The following GSN variants were observed in gnomAD, a reference collection of about 807,000 sequenced individuals.
The protein encoded by GSN is actin-depolymerizing factor.
A neutral mutation model predicts 85.7 loss-of-function variants in GSN; 56 were observed. The observed-to-expected ratio is 0.65, with a 90% CI of 0.53 to 0.82. The LOEUF (loss-of-function observed/expected upper bound fraction) is 0.82, where lower values mean the gene tolerates loss of function less well. GSN is among the 40% of genes least tolerant of loss of function. The pLI, the probability that GSN is intolerant of heterozygous loss-of-function variation, is 0.00. For missense variants in GSN, 857 were observed against 979.8 expected, an observed-to-expected ratio of 0.87 and a Z score of 1.67; for synonymous variants, 373 against 399.1, an observed-to-expected ratio of 0.93 and a Z score of 0.78.
At chr9:121,275,598 T>C (rs2056570931) in intron 1 of GSN, among the ~76,000 whole-genome samples, 1 of 152,086 alleles carries the variant, frequency 6.6e-6, no homozygotes, top group African/African-American at 2.4e-5. Flanking sequence ...CTAGCCTGTA[T>C]CCATCCCCCT....
chr9:121,241,119 C>G (rs1312968806), intron 5 of GSN, among the ~76,000 whole-genome samples: 2 of 152,000 alleles, frequency 1.3e-5, no homozygotes, highest in Non-Finnish European at 2.9e-5. Context: ...ATAAAAGAAC[C>G]AAAGATGTTA....
intron 2 of GSN, among the ~76,000 whole-genome samples, chr9:121,292,668 G>A (rs1218002014): frequency 6.6e-6 from 1 of 152,256 alleles, no homozygotes; most frequent in Non-Finnish European, 1.5e-5. Flanking sequence ...CTGGTGGTAG[G>A]GATTTGGGCT....
intron 2 of GSN, chr9:121,300,224 G>T: frequency 2.4e-6 from 2 of 817,672 alleles, no homozygotes; most frequent in Non-Finnish European, 4.3e-6. Flanking sequence ...ACCTCACCTT[G>T]GCCGGATTTC....
chr9:121,207,997 G>T (rs1331050219), intron 1 of GSN: 2 of 150,984 alleles, frequency 1.3e-5, no homozygotes, highest in African/African-American at 4.9e-5. Flanking sequence ...ATGTTGTCCA[G>T]ATTGGTCTTG....
chr9:121,321,020 C>A (rs1462004573), intron 10 of GSN, among the ~76,000 whole-genome samples: 6 of 152,138 alleles, frequency 3.9e-5, no homozygotes, highest in Non-Finnish European at 8.8e-5. Flanking sequence ...CGATCCTCAG[C>A]GAAGGACAGA....
At chr9:121,237,794 C>A (rs1166212927) in intron 5 of GSN, among the ~76,000 whole-genome samples, 1 of 152,108 alleles carries the variant, frequency 6.6e-6, no homozygotes, top group Non-Finnish European at 1.5e-5. Flanking sequence ...TCCAAGAGAC[C>A]CAGATAATGA....
chr9:121,280,832 G>A (rs149532429), intron 1 of GSN: 10 of 152,362 alleles, frequency 6.6e-5, no homozygotes, highest in African/African-American at 2.4e-4. Context: ...CTAACGTACA[G>A]CTCTGAAGTT....
At chr9:121,270,975 G>A (rs530446792) in intron 1 of GSN, among the ~76,000 whole-genome samples, 32 of 152,330 alleles carry the variant, frequency 2.1e-4, no homozygotes, top group African/African-American at 7.7e-4. Flanking sequence ...TGGACCCCCA[G>A]TCTTGGTTCT....
At position 121,281,513 on chromosome 9, in the gene GSN, C is replaced by A; in HGVS notation, c.-59C>A. 1 of 406,554 alleles carries A rather than the reference C, an allele frequency of 2.5e-6. No individual in the cohort carries two copies. Among genetic ancestry groups the A allele is most frequent in the Non-Finnish European group, 5.1e-6 (1 of 196,768 alleles). 25.2% of individuals were successfully genotyped at this position (406,554 alleles called of 1,614,324 possible). On this transcript the variant is annotated 5_prime_UTR_variant, in exon 2 of 18. Coordinates refer to ENST00000432226, the MANE Select transcript of GSN (RefSeq NM_198252.3). ...TTTGTCCAGTGCTTCGGCCTTGGTCCCAGCGCCTTCCCACGGAGCAGCACT... is the reference window on the plus strand; with the variant it reads ...TTTGTCCAGTGCTTCGGCCTTGGTCACAGCGCCTTCCCACGGAGCAGCACT...
chr9:121,253,937 TTTC>T (rs1350516582), intron 6 of GSN, among the ~76,000 whole-genome samples: 1 of 152,190 alleles, frequency 6.6e-6, no homozygotes, highest in Non-Finnish European at 1.5e-5. Flanking sequence ...CTCCCTTCAC[TTTC>T]TTCTTCTCCT....
chr9:121,259,341 T>C (rs549188451), intron 6 of GSN, among the ~76,000 whole-genome samples: 1 of 152,180 alleles, frequency 6.6e-6, no homozygotes, highest in Non-Finnish European at 1.5e-5. Flanking sequence ...GATGGAGGCA[T>C]GTGCAAGGAA....
Position 121,329,252 on chromosome 9 carries a change from T to G in GSN, c.1902T>G (p.Pro634=). The change falls in exon 16 of 18, where the codon CCT becomes CCG. Residue 634 remains proline, a synonymous_variant. Coordinates refer to ENST00000432226, the MANE Select transcript of GSN (RefSeq NM_198252.3). The surrounding 1 kb of genome is among the most constrained non-coding windows in gnomAD (Gnocchi z 4.6). ...TTCCTTCCCAGATCGAAGAGGTTCC[T>G]GGTGAGCTCATGCAGGAAGACCTGG... is the stretch of plus-strand genomic sequence containing the variant. ...KIGRFVIEEV[P]GELMQEDLAT... is the part of the protein sequence containing the mutation. 5 of 1,611,566 alleles carry G rather than the reference T, an allele frequency of 3.1e-6. No individual in the cohort carries two copies. Among genetic ancestry groups the G allele is most frequent in the Non-Finnish European group, 4.2e-6 (5 of 1,177,724 alleles).
intron 7 of GSN, among the ~76,000 whole-genome samples, chr9:121,315,285 G>A (rs1243575346): frequency 6.6e-6 from 1 of 152,176 alleles, no homozygotes; most frequent in East Asian, 1.9e-4. Flanking sequence ...CAGCTGTATA[G>A]TATTTTATTT....
chr9:121,286,607 A>C, intron 2 of GSN: 2 of 1,510,338 alleles, frequency 1.3e-6, no homozygotes, highest in East Asian at 4.9e-5. Context: ...CCCAGGGCCC[A>C]CAACTGCTTG....
At chr9:121,284,587 G>A (rs1306192995) in intron 2 of GSN, 2 of 167,222 alleles carry the variant, frequency 1.2e-5, no homozygotes, top group African/African-American at 4.8e-5. Context: ...AGAAGGGGGA[G>A]TTGGGCATTC....
chr9:121,267,809 G>C (rs941267057), upstream of GSN, among the ~76,000 whole-genome samples: 1 of 151,986 alleles, frequency 6.6e-6, no homozygotes, highest in Non-Finnish European at 1.5e-5. Flanking sequence ...GCTGGTGCTA[G>C]TTGAGCATTG....
At chr9:121,293,367 ATC>A (rs1366768452) in intron 2 of GSN, among the ~76,000 whole-genome samples, 1 of 151,116 alleles carries the variant, frequency 6.6e-6, no homozygotes, top group Non-Finnish European at 1.5e-5. Flanking sequence ...GCAGCTCATT[ATC>A]TCTCTGGAAA....
At chr9:121,316,130 C>T (rs1343477172) in intron 7 of GSN, among the ~76,000 whole-genome samples, 1 of 152,184 alleles carries the variant, frequency 6.6e-6, no homozygotes, top group Non-Finnish European at 1.5e-5. Context: ...TTACCCAGAG[C>T]CTTGCCAACT....
At chr9:121,226,546 A>G (rs1354695937) in intron 4 of GSN, among the ~76,000 whole-genome samples, 1 of 152,208 alleles carries the variant, frequency 6.6e-6, no homozygotes, top group African/African-American at 2.4e-5. Context: ...ACAAGATGGC[A>G]CAGGGTTACC....
Sources: allele counts gnomAD v4.1 joint callset (sites outside exome capture counted in the v4.1 genomes callset), GRCh38; gene constraint gnomAD v4.1.1; non-coding constraint Gnocchi (gnomAD v3.1); transcripts MANE v1.5; gene names NCBI Gene and HGNC (gene_info 2026-07-23, HGNC 2026-07-21).